Variants in AUTS2 observed in about 807,000 individuals in gnomAD.
The protein encoded by AUTS2 is autism susceptibility gene 2 protein.
In AUTS2, 17 loss-of-function variants were observed where a neutral mutation model predicts 112.4. The ratio of observed to expected loss-of-function variants is 0.15; its 90% CI spans 0.10 to 0.23. The LOEUF is 0.23. AUTS2 is among the 10% of genes least tolerant of loss of function. The probability of loss-of-function intolerance (pLI) is 1.00; values close to 1 mark genes in which losing one functional copy is unlikely to be tolerated. For synonymous variants in AUTS2, 751 were observed against 702.7 expected (o/e 1.07, Z -1.09); for missense variants, 1,510 against 1,701.6 (o/e 0.89, Z 1.98).
chr7:70,360,983 G>C (rs1004152860), intron 4 of AUTS2, among the ~76,000 whole-genome samples: 2 of 152,104 alleles, frequency 1.3e-5, no homozygotes, highest in African/African-American at 4.8e-5. Flanking sequence ...ATCTCCACCT[G>C]GGTTAAAAAG....
At chr7:69,903,197 C>A (rs1036559560) in intron 2 of AUTS2, among the ~76,000 whole-genome samples, 2 of 152,016 alleles carry the variant, frequency 1.3e-5, no homozygotes, top group African/African-American at 4.8e-5. Context: ...GAGCTTTATT[C>A]TCTAATTGGG....
intron 5 of AUTS2, among the ~76,000 whole-genome samples, chr7:70,492,752 A>G (rs1481449037): frequency 1.3e-5 from 2 of 152,118 alleles, no homozygotes; most frequent in African/African-American, 2.4e-5. Context: ...CCCTCTTGGC[A>G]AGACGAAAGG....
At chr7:69,853,159 T>C (rs1792565150) in intron 1 of AUTS2, among the ~76,000 whole-genome samples, 1 of 152,242 alleles carries the variant, frequency 6.6e-6, no homozygotes, top group Non-Finnish European at 1.5e-5. Flanking sequence ...AGCCTGTTGA[T>C]GGCATTGTTG....
At chr7:70,153,625 A>G (rs1000462194) in intron 4 of AUTS2, among the ~76,000 whole-genome samples, 1 of 152,184 alleles carries the variant, frequency 6.6e-6, no homozygotes, top group African/African-American at 2.4e-5. Flanking sequence ...TATAAAAACT[A>G]TTTCCCTGCT....
At chr7:69,990,780 A>G (rs1798712732) in intron 2 of AUTS2, among the ~76,000 whole-genome samples, 1 of 152,168 alleles carries the variant, frequency 6.6e-6, no homozygotes, top group Admixed American at 6.5e-5. Context: ...ATAATTTTGG[A>G]TTTTGGAATA....
chr7:70,727,409 G>A (rs1787103170), intron 6 of AUTS2, among the ~76,000 whole-genome samples: 1 of 152,122 alleles, frequency 6.6e-6, no homozygotes, highest in African/African-American at 2.4e-5. Flanking sequence ...GAGTGCAATG[G>A]TGCAGTCTTG....
At chr7:70,288,638 G>T (rs143689694) in intron 4 of AUTS2, among the ~76,000 whole-genome samples, 23 of 152,250 alleles carry the variant, frequency 1.5e-4, no homozygotes, top group African/African-American at 5.5e-4. Context: ...AAAGGAGACA[G>T]AAAATGGAGA....
chr7:70,467,323 G>A (rs1296363622), intron 5 of AUTS2, among the ~76,000 whole-genome samples: 1 of 152,186 alleles, frequency 6.6e-6, no homozygotes, highest in African/African-American at 2.4e-5. Flanking sequence ...TTCTTAAAAA[G>A]CACCCTCCAC....
At chr7:70,303,802 C>G (rs1789357345) in intron 4 of AUTS2, among the ~76,000 whole-genome samples, 1 of 152,174 alleles carries the variant, frequency 6.6e-6, no homozygotes, top group Admixed American at 6.5e-5. Context: ...CTCACCCCTC[C>G]CAGAGCAAGA....
chr7:69,956,870 A>C lies in AUTS2; in HGVS notation c.522+57372A>C, dbSNP rs139973348. 2.1e-3 allele frequency among the ~76,000 whole-genome samples: 311 copies of C among 151,644 alleles called. 1 individual carries two copies. Among genetic ancestry groups the C allele is most frequent in the African/African-American group, 5.3e-3 (219 of 41,312 alleles). ...AAAGAGAACAAGTGGTTTTATTTTT[A>C]TTTTTCTTTTGAGACAGGGTCTCAT... On this transcript the variant is annotated intron_variant, in intron 2 of 18. Coordinates refer to ENST00000342771, the MANE Select transcript of AUTS2 (RefSeq NM_015570.4).
chr7:70,785,120 C>T (rs929002977), intron 16 of AUTS2, 101 bp downstream of exon 16: 5 of 1,210,844 alleles, frequency 4.1e-6, no homozygotes, highest in Non-Finnish European at 6.0e-6. Context: ...GGTGGGAGTC[C>T]CAGATACCCT....
chr7:70,393,901 C>A (rs1793975131), intron 4 of AUTS2, among the ~76,000 whole-genome samples: 2 of 152,156 alleles, frequency 1.3e-5, no homozygotes, highest in African/African-American at 4.8e-5. Flanking sequence ...CACCTCATGG[C>A]AAGCAGCAGC....
At chr7:70,640,421 G>GAAAAA (rs57911940) in intron 5 of AUTS2, among the ~76,000 whole-genome samples, 7 of 93,632 alleles carry the variant, frequency 7.5e-5, no homozygotes, top group East Asian at 7.6e-4. Context: ...CTCACAGGGG[G>GAAAAA]AAAAAAAAAA....
intron 1 of AUTS2, among the ~76,000 whole-genome samples, chr7:69,833,033 G>A (rs139193048): frequency 2.6e-5 from 4 of 152,254 alleles, no homozygotes; most frequent in East Asian, 3.9e-4. Context: ...ATTAAAAGAC[G>A]AGTAATCAGT....
intron 1 of AUTS2, among the ~76,000 whole-genome samples, chr7:69,607,820 T>C (rs753045847): frequency 2.6e-5 from 4 of 152,232 alleles, no homozygotes; most frequent in Non-Finnish European, 5.9e-5. Context: ...GGGATTCATT[T>C]TTGGCAAAAA....
At chr7:69,959,219 C>G (rs977766675) in intron 2 of AUTS2, among the ~76,000 whole-genome samples, 1 of 151,966 alleles carries the variant, frequency 6.6e-6, no homozygotes, top group South Asian at 2.1e-4. Flanking sequence ...TCGTATTGTT[C>G]CTGTTGTGTT....
At chr7:69,991,845 C>T (rs974209773) in intron 2 of AUTS2, among the ~76,000 whole-genome samples, 2 of 152,132 alleles carry the variant, frequency 1.3e-5, no homozygotes, top group Non-Finnish European at 2.9e-5. Flanking sequence ...CAGGGCTTGT[C>T]TTGATATCGG....
At chr7:70,439,029 T>C (rs939457118) in intron 5 of AUTS2, among the ~76,000 whole-genome samples, 2 of 152,158 alleles carry the variant, frequency 1.3e-5, no homozygotes, top group Non-Finnish European at 2.9e-5. Flanking sequence ...TCCTCTGATA[T>C]GAAGCTGTAA....
chr7:70,389,194 G>A (rs1208828630), intron 4 of AUTS2, among the ~76,000 whole-genome samples: 1 of 152,130 alleles, frequency 6.6e-6, no homozygotes, highest in Non-Finnish European at 1.5e-5. Flanking sequence ...TTTAGCCACA[G>A]TGTGGTCCAG....
Sources: allele counts gnomAD v4.1 joint callset (sites outside exome capture counted in the v4.1 genomes callset), GRCh38; gene constraint gnomAD v4.1.1; transcripts MANE v1.5; gene names NCBI Gene and HGNC (gene_info 2026-07-23, HGNC 2026-07-21).